AJAP1: variants seen among roughly 807,000 people sequenced by gnomAD.
AJAP1 encodes adherens junctions associated protein 1.
Under a neutral mutation model 35.0 loss-of-function variants are expected in AJAP1, and 5 were observed. That is an observed-to-expected ratio of 0.14 (90% CI 0.07 to 0.30). The LOEUF is 0.30. Among genes scored for constraint, AJAP1 ranks in the 10% least tolerant of loss-of-function variants. The pLI is 1.00. For synonymous variants in AJAP1, 284 were observed against 249.3 expected (o/e 1.14, Z -1.31); for missense variants, 586 against 571.0 (o/e 1.03, Z -0.27).
intron 2 of AJAP1, among the ~76,000 whole-genome samples, chr1:4,737,484 C>T (rs562300013): frequency 6.6e-6 from 1 of 151,698 alleles, no homozygotes; most frequent in East Asian, 2.0e-4. Context: ...GAGACGGGAG[C>T]CCCCCCGAGA....
intron 1 of AJAP1, among the ~76,000 whole-genome samples, chr1:4,688,562 C>T (rs547982861): frequency 6.6e-6 from 1 of 152,114 alleles, no homozygotes; most frequent in African/African-American, 2.4e-5. Context: ...CACCTAAGGT[C>T]AGGAGTTCGA....
At chr1:4,774,240 C>A (rs942618829) in intron 4 of AJAP1, among the ~76,000 whole-genome samples, 187 bp from the exon 5 acceptor site, 2 of 152,176 alleles carry the variant, frequency 1.3e-5, no homozygotes, top group Admixed American at 6.5e-5. Context: ...AGAAAGCATT[C>A]GTGTGTGAGG....
intron 1 of AJAP1, among the ~76,000 whole-genome samples, chr1:4,697,504 C>G (rs540370169): frequency 6.6e-6 from 1 of 152,382 alleles, no homozygotes; most frequent in Non-Finnish European, 1.5e-5. Context: ...GACATCACCT[C>G]AGGACAACTC....
At chr1:4,727,115 C>T (rs752952328) in intron 2 of AJAP1, among the ~76,000 whole-genome samples, 5 of 152,354 alleles carry the variant, frequency 3.3e-5, no homozygotes, top group African/African-American at 1.2e-4. Context: ...GTCATCAGCT[C>T]GGAGCTGGGG....
intron 1 of AJAP1, among the ~76,000 whole-genome samples, chr1:4,685,710 T>A (rs1168593692): frequency 6.6e-6 from 1 of 152,206 alleles, no homozygotes; most frequent in Non-Finnish European, 1.5e-5. Flanking sequence ...GGCGCCATGT[T>A]AGGGTGCACC....
intron 1 of AJAP1, among the ~76,000 whole-genome samples, chr1:4,673,800 CTCT>C (rs914858432): frequency 1.1e-4 from 17 of 152,078 alleles, no homozygotes; most frequent in Non-Finnish European, 1.2e-4. Flanking sequence ...TTAGATGTGA[CTCT>C]TCTTGTCCTC....
chr1:4,692,548 G>T lies in AJAP1; in HGVS notation c.30-19352G>T, dbSNP rs1344303474. On this transcript the variant is annotated intron_variant, in intron 1 of 5. Coordinates refer to ENST00000378191, the MANE Select transcript of AJAP1 (RefSeq NM_018836.4). The surrounding 1 kb of genome is among the most constrained non-coding windows in gnomAD (Gnocchi z 4.4). Reference sequence around the variant, plus strand: ...CCTGGGAAAAGAGAAAAATAGCTCAGCCCCAGCCTGGCCTCCGCAGGCCTC... The same window carrying T: ...CCTGGGAAAAGAGAAAAATAGCTCATCCCCAGCCTGGCCTCCGCAGGCCTC... 6.6e-6 allele frequency among the ~76,000 whole-genome samples: 1 copy of T among 152,206 alleles called. No homozygotes were observed. The highest frequency in any genetic ancestry group is 1.5e-5 in the Non-Finnish European group (1 of 68,034).
chr1:4,762,212 C>T (rs547068787), intron 2 of AJAP1, among the ~76,000 whole-genome samples: 3 of 152,362 alleles, frequency 2.0e-5, no homozygotes, highest in Non-Finnish European at 2.9e-5. Context: ...AATTCTGTGT[C>T]TGCCATGTCT....
intron 1 of AJAP1, among the ~76,000 whole-genome samples, chr1:4,657,949 G>A (rs913542336): frequency 3.9e-5 from 6 of 152,116 alleles, no homozygotes; most frequent in African/African-American, 1.4e-4. Flanking sequence ...GAGAGAGAGG[G>A]AGCCACGGAA....
chr1:4,661,242 T>G (rs1385184788), intron 1 of AJAP1, among the ~76,000 whole-genome samples: 1 of 152,250 alleles, frequency 6.6e-6, no homozygotes, highest in Non-Finnish European at 1.5e-5. Flanking sequence ...CTGATACTCT[T>G]TCTCTTTTCA....
At chr1:4,702,173 A>C (rs569466770) in intron 1 of AJAP1, among the ~76,000 whole-genome samples, 2 of 151,028 alleles carry the variant, frequency 1.3e-5, no homozygotes, top group Admixed American at 1.3e-4. Context: ...CATGTCCCCA[A>C]TATTCCAGCG....
intron 1 of AJAP1, among the ~76,000 whole-genome samples, chr1:4,701,705 A>G (rs1258487032): frequency 6.6e-6 from 1 of 152,206 alleles, no homozygotes; most frequent in African/African-American, 2.4e-5. Flanking sequence ...TGAGGGGCAA[A>G]ATCACCCTTA....
chr1:4,683,071 A>C (rs1400780553), intron 1 of AJAP1, among the ~76,000 whole-genome samples: 2 of 152,236 alleles, frequency 1.3e-5, no homozygotes, highest in African/African-American at 4.8e-5. Context: ...CCAGAGATCC[A>C]GCACTCTTAA....
chr1:4,775,273 G>A (rs1339579517), intron 5 of AJAP1, among the ~76,000 whole-genome samples: 1 of 152,114 alleles, frequency 6.6e-6, no homozygotes, highest in Non-Finnish European at 1.5e-5. Flanking sequence ...GCGCCCTCAT[G>A]GCTGCACATC....
At chr1:4,761,300 G>A (rs1445711727) in intron 2 of AJAP1, among the ~76,000 whole-genome samples, 2 of 152,198 alleles carry the variant, frequency 1.3e-5, no homozygotes, top group Non-Finnish European at 2.9e-5. Flanking sequence ...CAGCTGGGTG[G>A]CATGGGGTCT....
intron 2 of AJAP1, among the ~76,000 whole-genome samples, chr1:4,749,600 G>A (rs1641275774): frequency 6.6e-6 from 1 of 152,186 alleles, no homozygotes; most frequent in Admixed American, 6.5e-5. Context: ...GAGTGGGGAG[G>A]ACCAGGAAAA....
chr1:4,694,591 A>G (rs17349117), intron 1 of AJAP1, among the ~76,000 whole-genome samples: 3,032 of 152,344 alleles, frequency 0.02, 102 homozygotes, highest in South Asian at 0.13. Flanking sequence ...ACTCTCAGAA[A>G]CTAAATGACC....
At chr1:4,706,830 C>CG (rs1179466835) in intron 1 of AJAP1, among the ~76,000 whole-genome samples, 2 of 151,820 alleles carry the variant, frequency 1.3e-5, no homozygotes, top group Non-Finnish European at 2.9e-5. Context: ...AACTGTTCTT[C>CG]GGGAAAAAAG....
rs1281175597 is a variant in AJAP1, at chr1:4,787,043, CTTT to C, written c.*4559_*4561del. 3 of 152,272 alleles carry C rather than the reference CTTT, an allele frequency of 2.0e-5. No individual in the cohort carries two copies. The highest frequency in any genetic ancestry group is 7.2e-5 in the African/African-American group (3 of 41,456). 9.4% of individuals were successfully genotyped at this position (152,272 alleles called of 1,614,324 possible). A position where few individuals can be genotyped will look rare whatever the true frequency, so the allele number is the denominator to read the frequency against. On this transcript the variant is annotated 3_prime_UTR_variant, in exon 6 of 6. Coordinates refer to ENST00000378191, the MANE Select transcript of AJAP1 (RefSeq NM_018836.4). ...CCATTCTTGCTTCAGCATGTGAATTCTTTAAGACACTACTCACATATGCCATTG... is the reference window on the plus strand; with the variant it reads ...CCATTCTTGCTTCAGCATGTGAATTCAAGACACTACTCACATATGCCATTG...
Sources: allele counts gnomAD v4.1 joint callset (sites outside exome capture counted in the v4.1 genomes callset), GRCh38; gene constraint gnomAD v4.1.1; non-coding constraint Gnocchi (gnomAD v3.1); transcripts MANE v1.5; gene names NCBI Gene and HGNC (gene_info 2026-07-23, HGNC 2026-07-21).